Variants in RBPMS2 observed in about 807,000 individuals in gnomAD.
RBPMS2 encodes RNA-binding protein with multiple splicing 2.
In RBPMS2, 14 loss-of-function variants were observed where a neutral mutation model predicts 25.7. That is an observed-to-expected ratio of 0.55 (90% CI 0.36 to 0.85). RBPMS2 has a LOEUF of 0.85. RBPMS2 is among the 40% of genes least tolerant of loss of function. The pLI, the probability that RBPMS2 is intolerant of heterozygous loss-of-function variation, is 0.01. For missense variants in RBPMS2, 252 were observed against 283.4 expected, an observed-to-expected ratio of 0.89 and a Z score of 0.80; for synonymous variants, 127 against 115.6, an observed-to-expected ratio of 1.10 and a Z score of -0.63.
At chr15:64,760,850 G>A (rs2083777780) in intron 1 of RBPMS2, among the ~76,000 whole-genome samples, 1 of 150,264 alleles carries the variant, frequency 6.7e-6, no homozygotes, top group Non-Finnish European at 1.5e-5. Flanking sequence ...CAAGGATACT[G>A]AGGCAAGAAA....
At chr15:64,744,231 A>G (rs973165562) in intron 6 of RBPMS2, among the ~76,000 whole-genome samples, 2 of 152,100 alleles carry the variant, frequency 1.3e-5, no homozygotes, top group Non-Finnish European at 2.9e-5. Flanking sequence ...CTACACTTTC[A>G]CCGTGTCATA....
intron 5 of RBPMS2, 69 bp from the exon 6 acceptor site, chr15:64,748,636 C>T: frequency 6.7e-7 from 1 of 1,498,590 alleles, no homozygotes; most frequent in Non-Finnish European, 8.9e-7. Flanking sequence ...GAAGGGGACC[C>T]AGCACTATGG....
At chr15:64,745,943 C>A (rs983846830) in intron 6 of RBPMS2, among the ~76,000 whole-genome samples, 2 of 152,258 alleles carry the variant, frequency 1.3e-5, no homozygotes, top group African/African-American at 4.8e-5. Context: ...CACCTCCTTG[C>A]CCCCAGGCAC....
chr15:64,775,405 G>A lies in RBPMS2; in HGVS notation c.-86C>T. 3 of 696,632 alleles carry A rather than the reference G, an allele frequency of 4.3e-6. No individual in the cohort carries two copies. Among genetic ancestry groups the A allele is most frequent in the Non-Finnish European group, 5.9e-6 (3 of 507,468 alleles). 43.2% of individuals were successfully genotyped at this position (696,632 alleles called of 1,614,324 possible). On this transcript the variant is annotated 5_prime_UTR_variant, in exon 1 of 8. Transcript: ENST00000300069. The stretch of plus-strand genomic sequence containing the variant: ...GAAGTGGGAAGGGGCGCGGGGAGCG[G>A]TGCGCTCGCGGGTGCGGAGCGGGTG...
chr15:64,774,064 C>G (rs746449689), intron 1 of RBPMS2, among the ~76,000 whole-genome samples: 2 of 152,232 alleles, frequency 1.3e-5, no homozygotes, highest in Non-Finnish European at 2.9e-5. Context: ...TCTGAATAGC[C>G]GAGTGGGAGC....
chr15:64,773,846 T>TAG (rs2083909021), intron 1 of RBPMS2, among the ~76,000 whole-genome samples: 1 of 152,090 alleles, frequency 6.6e-6, no homozygotes, highest in Non-Finnish European at 1.5e-5. Flanking sequence ...AACAGCCAGG[T>TAG]AGAGTCAGGA....
At chr15:64,763,342 G>A (rs1031436060) in intron 1 of RBPMS2, among the ~76,000 whole-genome samples, 16 of 152,174 alleles carry the variant, frequency 1.1e-4, no homozygotes, top group African/African-American at 3.6e-4. Context: ...TTCCTGCAAG[G>A]AGCTCTGGGG....
chr15:64,756,962 C>T (rs1156454152), intron 1 of RBPMS2, among the ~76,000 whole-genome samples: 3 of 149,580 alleles, frequency 2.0e-5, no homozygotes, highest in Non-Finnish European at 4.4e-5. Context: ...GCCACCATGC[C>T]CGGCCTCATT....
chr15:64,741,085 T>C, intron 7 of RBPMS2, 85 bp from the exon 8 acceptor site: 1 of 1,057,812 alleles, frequency 9.5e-7, no homozygotes, highest in South Asian at 1.4e-5. Context: ...GCTAAGCTCT[T>C]GAGACCCGGG....
chr15:64,755,801 G>C (rs2083727120), intron 1 of RBPMS2, among the ~76,000 whole-genome samples: 1 of 152,140 alleles, frequency 6.6e-6, no homozygotes, highest in Admixed American at 6.5e-5. Context: ...AGGTTCCAAA[G>C]CCGCCCAACA....
Position 64,761,385 on chromosome 15 carries a change from C to A in RBPMS2, c.88-9747G>T, listed in dbSNP as rs2083784187. On this transcript the variant is annotated intron_variant, in intron 1 of 7. Transcript: ENST00000300069. Reference sequence around the variant, plus strand: ...TATTTTTAGAGGAGGAAACCAGGGCCTAGGGGTCGAGCGAGTTGCTCGCAG... The same window carrying A: ...TATTTTTAGAGGAGGAAACCAGGGCATAGGGGTCGAGCGAGTTGCTCGCAG... 2.6e-5 allele frequency among the ~76,000 whole-genome samples: 4 copies of A among 152,202 alleles called. No homozygotes were observed. The South Asian group carries it at 8.3e-4, about 32-fold the overall frequency.
chr15:64,748,393 G>A lies in RBPMS2; in HGVS notation c.567+26C>T, dbSNP rs567827896. On this transcript the variant is annotated intron_variant, in intron 6 of 7. Coordinates refer to ENST00000300069, the MANE Select transcript of RBPMS2 (RefSeq NM_194272.3). The stretch of plus-strand genomic sequence containing the variant: ...GGCCAGCTAAGAGCCCTTGTTCTTC[G>A]CCCTCCCCAACCTTAAAGGGCTTAC... 3.9e-5 allele frequency: 63 copies of A among 1,608,150 alleles called. No homozygotes were observed. In the East Asian group the frequency reaches 5.2e-4, roughly 13 times the overall value.
intron 1 of RBPMS2, among the ~76,000 whole-genome samples, chr15:64,769,705 G>C (rs2083878854): frequency 6.6e-6 from 1 of 152,046 alleles, no homozygotes; most frequent in South Asian, 2.1e-4. Context: ...GGCTTGGTTT[G>C]TTTATTATCT....
At chr15:64,766,265 C>T (rs1313867387) in intron 1 of RBPMS2, among the ~76,000 whole-genome samples, 2 of 152,110 alleles carry the variant, frequency 1.3e-5, no homozygotes, top group Non-Finnish European at 1.5e-5. Flanking sequence ...GGCAAACGCT[C>T]CCACCACACC....
At position 64,767,614 on chromosome 15, in the gene RBPMS2, G is replaced by A. The variant is rs41350348; in HGVS notation, c.87+7619C>T. Among the ~76,000 whole-genome samples, 1,396 of 152,280 alleles carry A rather than the reference G, an allele frequency of 9.2e-3. 19 individuals are homozygous for A. Among genetic ancestry groups the A allele is most frequent in the African/African-American group, 0.032 (1,336 of 41,554 alleles). ...AGCCATGGCTTCCTCTACTTACGGC[G>A]CTTGCCAGTCCCACCCTGGACATGG... On this transcript the variant is annotated intron_variant, in intron 1 of 7. Coordinates refer to ENST00000300069, the MANE Select transcript of RBPMS2 (RefSeq NM_194272.3).
intron 6 of RBPMS2, 26 bp downstream of exon 6, chr15:64,748,393 G>C (rs567827896): frequency 3.1e-6 from 5 of 1,608,150 alleles, no homozygotes; most frequent in Non-Finnish European, 4.2e-6. Flanking sequence ...CTTGTTCTTC[G>C]CCCTCCCCAA....
At chr15:64,746,362 CAAT>C (rs2083617994) in intron 6 of RBPMS2, among the ~76,000 whole-genome samples, 1 of 152,242 alleles carries the variant, frequency 6.6e-6, no homozygotes, top group Non-Finnish European at 1.5e-5. Flanking sequence ...GGAACCCAGA[CAAT>C]AATGATATTA....
chr15:64,754,957 T>C (rs1278669840), intron 1 of RBPMS2, among the ~76,000 whole-genome samples: 1 of 152,178 alleles, frequency 6.6e-6, no homozygotes, highest in Non-Finnish European at 1.5e-5. Flanking sequence ...GGACATGATT[T>C]GGGTCAAAGA....
chr15:64,744,806 T>TGG (rs2083602349), intron 6 of RBPMS2, among the ~76,000 whole-genome samples: 1 of 82,654 alleles, frequency 1.2e-5, no homozygotes, highest in Admixed American at 1.1e-4. Context: ...TTGTTTTTTT[T>TGG]TTTTTTTTTT....
Sources: allele counts gnomAD v4.1 joint callset (sites outside exome capture counted in the v4.1 genomes callset), GRCh38; gene constraint gnomAD v4.1.1; transcripts MANE v1.5; gene names NCBI Gene and HGNC (gene_info 2026-07-23, HGNC 2026-07-21).